EEIG1: variants seen among roughly 807,000 people sequenced by gnomAD.
EEIG1 encodes the protein early estrogen-induced gene 1 protein.
chr9:127,954,051 G>A, the EEIG1 span: 2 of 1,102,404 alleles, frequency 1.8e-6, no homozygotes, highest in Non-Finnish European at 2.6e-6. Context: ...TTCACTCTGT[G>A]TCACAAAATA....
At chr9:127,948,787 C>A in the EEIG1 span, among the ~76,000 whole-genome samples, 1 of 152,222 alleles carries the variant, frequency 6.6e-6, no homozygotes, top group African/African-American at 2.4e-5. Context: ...CAGAGCTCAA[C>A]CCAGCAGGCA....
chr9:127,950,196 C>T, the EEIG1 span, among the ~76,000 whole-genome samples: 2 of 152,236 alleles, frequency 1.3e-5, no homozygotes, highest in Non-Finnish European at 2.9e-5. Context: ...ACCCTGGAGA[C>T]TGTCAGGGCC....
At chr9:127,966,001 C>G in the EEIG1 span, among the ~76,000 whole-genome samples, 1 of 152,222 alleles carries the variant, frequency 6.6e-6, no homozygotes, top group Non-Finnish European at 1.5e-5. Flanking sequence ...CACCTGGCAG[C>G]CCCAAAACGC....
chr9:127,941,573 A>AAAC, the EEIG1 span: 136,013 of 152,022 alleles, frequency 0.89, 61,481 homozygotes, highest in Non-Finnish European at 0.97. Context: ...TAGGTGAGTA[A>AAAC]AACAACAACA....
the EEIG1 span, chr9:127,980,386 C>T: frequency 4.8e-6 from 2 of 419,080 alleles, no homozygotes; most frequent in Admixed American, 4.1e-5. Flanking sequence ...GGGACCTCAC[C>T]GGCATGTAAA....
the EEIG1 span, chr9:127,943,173 C>T: frequency 6.2e-7 from 1 of 1,613,658 alleles, no homozygotes; most frequent in Non-Finnish European, 8.5e-7. Context: ...GACTCTTCTC[C>T]AGCCCGGACA....
chr9:127,956,599 C>CG, the EEIG1 span, among the ~76,000 whole-genome samples: 1 of 151,984 alleles, frequency 6.6e-6, no homozygotes, highest in African/African-American at 2.4e-5. Flanking sequence ...TTGGTAGAGA[C>CG]GGGGTTTCAC....
At chr9:127,972,961 C>G in the EEIG1 span, among the ~76,000 whole-genome samples, 3 of 152,222 alleles carry the variant, frequency 2.0e-5, no homozygotes, top group Admixed American at 6.5e-5. The surrounding 1 kb of genome is among the most constrained non-coding windows in gnomAD (Gnocchi z 4.3). Context: ...GGTCCCAGGG[C>G]ATATCTGGAG....
the EEIG1 span, among the ~76,000 whole-genome samples, chr9:127,951,814 C>CAAAAA: frequency 2.7e-5 from 3 of 109,182 alleles, no homozygotes; most frequent in East Asian, 5.6e-4. Flanking sequence ...GACTCCATCT[C>CAAAAA]AAAAAAAAAA....
chr9:127,965,724 A>G, the EEIG1 span, among the ~76,000 whole-genome samples: 2 of 152,230 alleles, frequency 1.3e-5, no homozygotes, highest in Admixed American at 1.3e-4. Flanking sequence ...ATAAGGAAAC[A>G]ATTTAAATCG....
At chr9:127,948,033 C>T in the EEIG1 span, 29 of 1,585,948 alleles carry the variant, frequency 1.8e-5, no homozygotes, top group Non-Finnish European at 2.3e-5. Flanking sequence ...CCCCTCGGGC[C>T]GCTAGCAGGG....
chr9:127,973,948 C>G, the EEIG1 span, among the ~76,000 whole-genome samples: 1 of 152,148 alleles, frequency 6.6e-6, no homozygotes, highest in African/African-American at 2.4e-5. The surrounding 1 kb of genome is among the most constrained non-coding windows in gnomAD (Gnocchi z 4.2). Flanking sequence ...GAGCCAAACG[C>G]CGCCACACAG....
At chr9:127,961,176 T>C in the EEIG1 span, among the ~76,000 whole-genome samples, 3 of 152,218 alleles carry the variant, frequency 2.0e-5, no homozygotes, top group Non-Finnish European at 2.9e-5. Context: ...GTCCAGACCC[T>C]GTGTCACAGC....
chr9:127,964,582 G>A, the EEIG1 span, among the ~76,000 whole-genome samples: 7 of 152,362 alleles, frequency 4.6e-5, no homozygotes, highest in Admixed American at 1.3e-4. Flanking sequence ...GGAGCAGAAA[G>A]TCAGGAAAAA....
At chr9:127,948,080 G>A in the EEIG1 span, 22 of 1,611,654 alleles carry the variant, frequency 1.4e-5, no homozygotes, top group East Asian at 2.2e-5. Flanking sequence ...CCTGAGCTGA[G>A]AATAGTGGGC....
At chr9:127,977,423 G>A in the EEIG1 span, among the ~76,000 whole-genome samples, 1 of 152,226 alleles carries the variant, frequency 6.6e-6, no homozygotes, top group Non-Finnish European at 1.5e-5. Context: ...GGAGACAGTG[G>A]CTCCAGGGCC....
At chr9:127,940,788 C>G in the EEIG1 span, 1 of 151,912 alleles carries the variant, frequency 6.6e-6, no homozygotes, top group Non-Finnish European at 1.5e-5. Context: ...TATCACCTCC[C>G]TAAAGACAGA....
At chr9:127,953,437 A>G in the EEIG1 span, 2 of 727,942 alleles carry the variant, frequency 2.7e-6, no homozygotes, top group Non-Finnish European at 4.8e-6. Context: ...CAATAAAGAT[A>G]TTTCTAAAAA....
the EEIG1 span, among the ~76,000 whole-genome samples, chr9:127,979,587 G>C: frequency 6.6e-6 from 1 of 152,218 alleles, no homozygotes; most frequent in Non-Finnish European, 1.5e-5. Flanking sequence ...AGGCGCCTGG[G>C]GGTGCCGGGG....
Sources: allele counts gnomAD v4.1 joint callset (sites outside exome capture counted in the v4.1 genomes callset), GRCh38; gene constraint gnomAD v4.1.1; non-coding constraint Gnocchi (gnomAD v3.1); transcripts MANE v1.5; gene names NCBI Gene and HGNC (gene_info 2026-07-23, HGNC 2026-07-21).